Variants in MAF observed in about 807,000 individuals in gnomAD.
MAF encodes transcription factor Maf.
A neutral mutation model predicts 22.0 loss-of-function variants in MAF; 10 were observed. The ratio of observed to expected loss-of-function variants is 0.45; its 90% CI spans 0.28 to 0.77. The LOEUF is 0.77. MAF is among the 30% of genes least tolerant of loss of function. The pLI is 0.12. For missense variants in MAF, 544 were observed against 548.4 expected, an observed-to-expected ratio of 0.99 and a Z score of 0.08; for synonymous variants, 337 against 255.8, an observed-to-expected ratio of 1.32 and a Z score of -3.03.
the MAF span, among the ~76,000 whole-genome samples, chr16:79,269,697 C>G: frequency 2.4e-4 from 37 of 152,160 alleles, 1 homozygote; most frequent in Admixed American, 1.0e-3. Context: ...TGGCCTGTGA[C>G]TTCAAGGTCG....
chr16:79,212,301 C>T, the MAF span: 8 of 959,624 alleles, frequency 8.3e-6, no homozygotes, highest in Admixed American at 2.9e-5. Context: ...TTAGCAACTG[C>T]TGGGGAGACA....
the MAF span, chr16:79,205,532 A>C: frequency 6.6e-6 from 1 of 152,200 alleles, no homozygotes; most frequent in Non-Finnish European, 1.5e-5. Context: ...TCTCCAGAAC[A>C]CTTTCTCACA....
the MAF span, among the ~76,000 whole-genome samples, chr16:79,501,766 C>T: frequency 2.6e-5 from 4 of 152,160 alleles, no homozygotes; most frequent in South Asian, 2.1e-4. Flanking sequence ...AAATCCCCTT[C>T]GGCACCGGAC....
chr16:79,310,445 C>G, the MAF span, among the ~76,000 whole-genome samples: 2 of 152,154 alleles, frequency 1.3e-5, no homozygotes, highest in African/African-American at 4.8e-5. Flanking sequence ...TAAATACGCT[C>G]AAGAACCAGG....
rs1215996340 is a variant in MAF at position 79,599,370 on chromosome 16, C to T, written c.533G>A (p.Gly178Asp). ...IAAAAAQSGA[G>D]PHYHHHHHHA... ...GTGGTGGTGGTGGTGGTAGTGCGGG[C>T]CCGCGCCGCTCTGCGCGGCGGCCGC... Residue 178 changes from glycine to aspartate, a missense_variant, in exon 1 of 2, where the codon GGC becomes GAC. Physicochemically the swap from Gly to Asp is moderately conservative, Grantham distance 94. Coordinates refer to ENST00000326043, the MANE Select transcript of MAF (RefSeq NM_005360.5). The T allele has an allele frequency of 5.0e-6, 5 of 999,230 alleles. No individual in the cohort carries two copies. Among genetic ancestry groups the T allele is most frequent in the Non-Finnish European group, 5.9e-6 (5 of 840,948 alleles). 61.9% of individuals were successfully genotyped at this position (999,230 alleles called of 1,614,324 possible).
the MAF span, among the ~76,000 whole-genome samples, chr16:79,324,514 T>C: frequency 1.3e-5 from 2 of 152,174 alleles, no homozygotes; most frequent in African/African-American, 4.8e-5. Context: ...TACCAATGGA[T>C]TACTGTATTA....
the MAF span, among the ~76,000 whole-genome samples, chr16:79,407,950 A>G: frequency 6.6e-6 from 1 of 152,056 alleles, no homozygotes; most frequent in Non-Finnish European, 1.5e-5. Context: ...AGGAATGAGT[A>G]TCAAGGATCC....
the MAF span, among the ~76,000 whole-genome samples, chr16:79,567,811 G>T: frequency 6.6e-6 from 1 of 152,216 alleles, no homozygotes; most frequent in Non-Finnish European, 1.5e-5. Flanking sequence ...CTAGTCCTCA[G>T]AAATGGAATC....
At chr16:79,336,232 G>A in the MAF span, among the ~76,000 whole-genome samples, 1 of 152,312 alleles carries the variant, frequency 6.6e-6, no homozygotes, top group Admixed American at 6.5e-5. Context: ...TTGTCACATG[G>A]CAGCATTACA....
the MAF span, among the ~76,000 whole-genome samples, chr16:79,231,401 G>C: frequency 6.6e-6 from 1 of 152,044 alleles, no homozygotes; most frequent in African/African-American, 2.4e-5. Context: ...GGCCTATCAA[G>C]GATGTAGTCT....
chr16:79,284,425 C>A, the MAF span, among the ~76,000 whole-genome samples: 2 of 152,180 alleles, frequency 1.3e-5, no homozygotes, highest in Non-Finnish European at 2.9e-5. Context: ...TGAGTGGCAA[C>A]TATATGCTGG....
the MAF span, among the ~76,000 whole-genome samples, chr16:79,485,012 C>T: frequency 6.6e-6 from 1 of 152,172 alleles, no homozygotes; most frequent in African/African-American, 2.4e-5. Flanking sequence ...AATTTATTAT[C>T]TATAAAAATG....
chr16:79,210,906 A>T, the MAF span, among the ~76,000 whole-genome samples: 1,563 of 152,248 alleles, frequency 0.01, 13 homozygotes, highest in Admixed American at 0.023. Flanking sequence ...GCTGGGAGGA[A>T]ATGTACCCCC....
chr16:79,418,217 C>G, the MAF span, among the ~76,000 whole-genome samples: 8 of 152,094 alleles, frequency 5.3e-5, no homozygotes, highest in African/African-American at 1.9e-4. Context: ...CTTCTCGTGT[C>G]TCCTTTAATT....
the MAF span, among the ~76,000 whole-genome samples, chr16:79,571,127 G>T: frequency 6.9e-6 from 1 of 145,308 alleles, no homozygotes; most frequent in South Asian, 2.3e-4. Context: ...AAAAAAAAAA[G>T]TGATCCTTTG....
At chr16:79,591,627 G>C (rs1913194988), downstream of MAF, among the ~76,000 whole-genome samples, 1 of 152,200 alleles carries the variant, frequency 6.6e-6, no homozygotes, top group Non-Finnish European at 1.5e-5. Context: ...TCTTAAAACT[G>C]TACGACTCTG....
At chr16:79,406,574 T>C in the MAF span, among the ~76,000 whole-genome samples, 28 of 152,190 alleles carry the variant, frequency 1.8e-4, no homozygotes, top group African/African-American at 6.0e-4. Context: ...ATCCCAAACA[T>C]GAAAGTTCCA....
chr16:79,534,743 A>G, the MAF span, among the ~76,000 whole-genome samples: 1 of 152,224 alleles, frequency 6.6e-6, no homozygotes, highest in Non-Finnish European at 1.5e-5. Context: ...TAATTTAAAA[A>G]AAAGAAAGAA....
At chr16:79,354,337 G>T in the MAF span, among the ~76,000 whole-genome samples, 30 of 152,108 alleles carry the variant, frequency 2.0e-4, no homozygotes, top group African/African-American at 6.8e-4. Context: ...TGCAACAGGA[G>T]AGGAACACAC....
Sources: allele counts gnomAD v4.1 joint callset (sites outside exome capture counted in the v4.1 genomes callset), GRCh38; gene constraint gnomAD v4.1.1; transcripts MANE v1.5; gene names NCBI Gene and HGNC (gene_info 2026-07-23, HGNC 2026-07-21).